Variants in GRIK2 observed in about 807,000 individuals in gnomAD.
GRIK2 encodes glutamate receptor ionotropic, kainate 2.
A neutral mutation model predicts 100.3 loss-of-function variants in GRIK2; 32 were observed. The ratio of observed to expected loss-of-function variants is 0.32; its 90% CI spans 0.24 to 0.43. GRIK2 has a LOEUF of 0.43. GRIK2 is among the 20% of genes least tolerant of loss of function. The pLI, the probability that GRIK2 is intolerant of heterozygous loss-of-function variation, is 1.00. For missense variants in GRIK2, 843 were observed against 1,114.9 expected (o/e 0.76, Z 3.47); for synonymous variants, 417 against 389.4 (o/e 1.07, Z -0.83).
intron 2 of GRIK2, among the ~76,000 whole-genome samples, chr6:101,550,217 G>A (rs9404118): frequency 0.012 from 1,819 of 152,228 alleles, 55 homozygotes; most frequent in East Asian, 0.1. Context: ...AATCTGTGGT[G>A]GCAGCTGTGT....
chr6:101,513,055 A>G (rs1056002354), intron 2 of GRIK2, among the ~76,000 whole-genome samples: 14 of 152,050 alleles, frequency 9.2e-5, no homozygotes, highest in Non-Finnish European at 1.9e-4. Flanking sequence ...TAAGCCAAAT[A>G]TGAGTGACCA....
chr6:101,665,391 C>T (rs1299684797), intron 4 of GRIK2, among the ~76,000 whole-genome samples: 2 of 152,206 alleles, frequency 1.3e-5, no homozygotes, highest in African/African-American at 2.4e-5. Context: ...ACTCCCTCCA[C>T]CTGGCCAAGA....
At chr6:101,463,514 T>C (rs894162488) in intron 2 of GRIK2, among the ~76,000 whole-genome samples, 3 of 152,202 alleles carry the variant, frequency 2.0e-5, no homozygotes, top group Non-Finnish European at 4.4e-5. Context: ...ACACATTGCT[T>C]GTCTTTACAT....
intron 2 of GRIK2, among the ~76,000 whole-genome samples, chr6:101,424,450 A>G (rs111521972): frequency 0.027 from 3,961 of 147,996 alleles, 186 homozygotes; most frequent in African/African-American, 0.094. Context: ...ATAGTTTGCT[A>G]AGAATGATGG....
intron 14 of GRIK2, among the ~76,000 whole-genome samples, chr6:101,978,024 G>A (rs911595756): frequency 6.6e-6 from 1 of 151,966 alleles, no homozygotes; most frequent in Non-Finnish European, 1.5e-5. Flanking sequence ...TAATCTGGAT[G>A]TAAAAAATCT....
At chr6:101,638,025 A>G (rs2128323198) in intron 4 of GRIK2, among the ~76,000 whole-genome samples, 1 of 152,040 alleles carries the variant, frequency 6.6e-6, no homozygotes, top group Admixed American at 6.6e-5. Context: ...TGCAAGAGTT[A>G]CTTTAGTAGA....
intron 7 of GRIK2, among the ~76,000 whole-genome samples, chr6:101,792,109 G>A (rs905466595): frequency 7.2e-4 from 109 of 151,672 alleles, no homozygotes; most frequent in South Asian, 1.3e-3. Flanking sequence ...GTCTCTGCAC[G>A]TGAGATGGGT....
At chr6:101,922,091 CCTT>C (rs1789564119) in intron 12 of GRIK2, among the ~76,000 whole-genome samples, 1 of 20,400 alleles carries the variant, frequency 4.9e-5, no homozygotes, top group African/African-American at 2.5e-4. Flanking sequence ...TTCCTTCCTT[CCTT>C]CCTTCCTTCC....
chr6:101,853,153 G>A (rs1189613464), intron 10 of GRIK2, among the ~76,000 whole-genome samples: 1 of 152,106 alleles, frequency 6.6e-6, no homozygotes, highest in Non-Finnish European at 1.5e-5. Context: ...CTAAAATAGT[G>A]GGAAAAGTAG....
intron 2 of GRIK2, among the ~76,000 whole-genome samples, chr6:101,402,850 C>G (rs1775394727): frequency 6.6e-6 from 1 of 152,210 alleles, no homozygotes; most frequent in East Asian, 1.9e-4. Flanking sequence ...TTTGTTTCGC[C>G]GCAGCTGCGT....
At chr6:101,776,931 A>C (rs1223381214) in intron 7 of GRIK2, among the ~76,000 whole-genome samples, 1 of 152,148 alleles carries the variant, frequency 6.6e-6, no homozygotes, top group Non-Finnish European at 1.5e-5. Flanking sequence ...TATACTTTCT[A>C]AACTGGTTCC....
intron 2 of GRIK2, among the ~76,000 whole-genome samples, chr6:101,456,812 A>G (rs1362261552): frequency 6.6e-6 from 1 of 152,098 alleles, no homozygotes; most frequent in African/African-American, 2.4e-5. Flanking sequence ...CTAAATATTA[A>G]GAGTTTTAAA....
At chr6:101,826,123 T>G (rs1281016864) in intron 10 of GRIK2, among the ~76,000 whole-genome samples, 1 of 151,942 alleles carries the variant, frequency 6.6e-6, no homozygotes, top group African/African-American at 2.4e-5. Flanking sequence ...AAACCCATAC[T>G]CACAATTCAA....
intron 2 of GRIK2, among the ~76,000 whole-genome samples, chr6:101,508,942 G>C (rs1774158614): frequency 1.3e-5 from 2 of 151,826 alleles, no homozygotes; most frequent in Non-Finnish European, 2.9e-5. Flanking sequence ...GATCATGAGG[G>C]CAGGAGATCG....
intron 4 of GRIK2, among the ~76,000 whole-genome samples, chr6:101,665,791 T>C (rs1057185701): frequency 1.3e-5 from 2 of 152,126 alleles, no homozygotes; most frequent in African/African-American, 4.8e-5. Context: ...TTCTAAAATG[T>C]TGGATATGGG....
chr6:101,589,055 G>A (rs1485652200), intron 2 of GRIK2, among the ~76,000 whole-genome samples: 1 of 152,078 alleles, frequency 6.6e-6, no homozygotes, highest in Non-Finnish European at 1.5e-5. Context: ...ATTGGGTGGT[G>A]AATGGGCAGA....
Position 101,707,576 on chromosome 6 carries a change from A to G in GRIK2, c.951+21223A>G, listed in dbSNP as rs867895577. On this transcript the variant is annotated intron_variant, in intron 7 of 16. Transcript: ENST00000369134. ...TGTGTATATATATGTATATATGTGT[A>G]TGTGTGTGTGTGTGTGTGTATATAT... Among the ~76,000 whole-genome samples, 364 of 125,090 alleles carry G rather than the reference A, an allele frequency of 2.9e-3. 2 individuals carry two copies. Among genetic ancestry groups the G allele is most frequent in the Middle Eastern group, 0.013 (3 of 236 alleles). 82.1% of individuals were successfully genotyped at this position (125,090 alleles called of 152,430 possible). A position where few individuals can be genotyped will look rare whatever the true frequency, so the allele number is the denominator to read the frequency against.
chr6:102,053,696 C>CTTTCTA (rs1420334405), intron 15 of GRIK2, among the ~76,000 whole-genome samples: 2 of 151,980 alleles, frequency 1.3e-5, no homozygotes, highest in Non-Finnish European at 2.9e-5. Context: ...CTTTCTATAT[C>CTTTCTA]TGTTAGATGG....
At chr6:101,925,310 T>C (rs1055894712) in intron 13 of GRIK2, among the ~76,000 whole-genome samples, 2 of 152,104 alleles carry the variant, frequency 1.3e-5, no homozygotes, top group African/African-American at 4.8e-5. Flanking sequence ...ATTTAAACTT[T>C]ATAATATACA....
Sources: gnomAD v4.1 joint callset for allele counts (sites outside exome capture counted in the v4.1 genomes callset) on GRCh38, gnomAD v4.1.1 for gene constraint, MANE v1.5 for transcripts, NCBI Gene and HGNC (gene_info 2026-07-23, HGNC 2026-07-21) for gene names.